ZC3H14: variants seen among roughly 807,000 people sequenced by gnomAD.
ZC3H14 encodes zinc finger CCCH domain-containing protein 14.
Under a neutral mutation model 92.4 loss-of-function variants are expected in ZC3H14, and 31 were observed. The observed-to-expected ratio is 0.34, with a 90% CI of 0.25 to 0.45. The LOEUF is 0.45. ZC3H14 is among the 20% of genes least tolerant of loss of function. The pLI is 1.00. For synonymous variants in ZC3H14, 321 were observed against 300.9 expected (o/e 1.07, Z -0.69); for missense variants, 781 against 897.3 (o/e 0.87, Z 1.66).
chr14:88,567,923 C>G, intron 2 of ZC3H14, 116 bp from the exon 3 acceptor site: 1 of 822,482 alleles, frequency 1.2e-6, no homozygotes, highest in Non-Finnish European at 2.1e-6. Context: ...CAATGTAATT[C>G]CAGTAGAGCT....
intron 2 of ZC3H14, among the ~76,000 whole-genome samples, chr14:88,567,124 A>T (rs868647984): frequency 6.9e-5 from 10 of 145,234 alleles, no homozygotes; most frequent in East Asian, 4.0e-4. Context: ...TTATTTATTT[A>T]TTTTTTTTTG....
chr14:88,573,084 A>G (rs1291302504), intron 6 of ZC3H14, 77 bp downstream of exon 6: 1 of 1,519,812 alleles, frequency 6.6e-7, no homozygotes, highest in Non-Finnish European at 9.0e-7. Context: ...TGAAGTAACT[A>G]AACACATATT....
intron 10 of ZC3H14, among the ~76,000 whole-genome samples, chr14:88,597,624 G>T (rs150157445): frequency 2.5e-4 from 38 of 152,268 alleles, no homozygotes; most frequent in African/African-American, 8.4e-4. Flanking sequence ...CACTGGGTTG[G>T]TGAGCCACTG....
intron 3 of ZC3H14, among the ~76,000 whole-genome samples, chr14:88,568,772 A>G (rs1221683547): frequency 6.6e-6 from 1 of 152,198 alleles, no homozygotes; most frequent in Non-Finnish European, 1.5e-5. Context: ...TAAAATTATT[A>G]TTGAGGATCA....
At chr14:88,597,105 C>T (rs61984720) in intron 10 of ZC3H14, among the ~76,000 whole-genome samples, 10,771 of 152,154 alleles carry the variant, frequency 0.071, 523 homozygotes, top group Non-Finnish European at 0.11. Flanking sequence ...TCTGATTTAC[C>T]CTCCCACTCT....
At position 88,579,399 on chromosome 14, in the gene ZC3H14, A is replaced by T. The variant is rs114690807; in HGVS notation, c.1279+1259A>T. Among the ~76,000 whole-genome samples the T allele has an allele frequency of 5.5e-3, 834 of 152,280 alleles. 8 individuals carry two copies. The highest frequency in any genetic ancestry group is 0.019 in the African/African-American group (806 of 41,552). ...GTGAATGGGCCAAATTGAGAAGAGG[A>T]GCTGAAACTGAGGAGGGATTTTGCT... On this transcript the variant is annotated intron_variant, in intron 9 of 16. Transcript: ENST00000251038.
Position 88,576,382 on chromosome 14 carries a change from G to A in ZC3H14, c.1123+442G>A, listed in dbSNP as rs114863784. Among the ~76,000 whole-genome samples the A allele has an allele frequency of 5.5e-3, 837 of 152,268 alleles. 8 individuals are homozygous for A. Among genetic ancestry groups the A allele is most frequent in the African/African-American group, 0.019 (807 of 41,548 alleles). On this transcript the variant is annotated intron_variant, in intron 8 of 16. Coordinates refer to ENST00000251038, the MANE Select transcript of ZC3H14 (RefSeq NM_024824.5). ...CAAGGTTGGTTTCTTCCCTTTTGGC[G>A]GAACTCATTAGTAGAATATAAGGCA... is the stretch of plus-strand genomic sequence containing the variant.
chr14:88,616,688 G>A lies in ZC3H14; in HGVS notation c.*4937G>A, dbSNP rs1406542946. 2.1e-5 allele frequency: 33 copies of A among 1,575,956 alleles called. No individual in the cohort carries two copies. Among genetic ancestry groups the A allele is most frequent in the Non-Finnish European group, 2.7e-5 (31 of 1,156,300 alleles). On this transcript the variant is annotated 3_prime_UTR_variant, in exon 17 of 17. Transcript: ENST00000251038. The stretch of plus-strand genomic sequence containing the variant: ...TGCTGATGATAAGACATCAAAATTA[G>A]GAGTAAACTGATAATAGTAAACAAA...
chr14:88,583,135 TTA>T, intron 9 of ZC3H14, among the ~76,000 whole-genome samples: 1 of 151,308 alleles, frequency 6.6e-6, no homozygotes, highest in Non-Finnish European at 1.5e-5. Context: ...TGCTTTTTTT[TTA>T]TTTTTTTTTT....
At chr14:88,604,570 C>T (rs758715649) in intron 12 of ZC3H14, among the ~76,000 whole-genome samples, 3 of 151,070 alleles carry the variant, frequency 2.0e-5, no homozygotes, top group Non-Finnish European at 2.9e-5. Context: ...TGTCATATGG[C>T]AGCACAGATT....
At position 88,601,790 on chromosome 14, in the gene ZC3H14, G is replaced by A. The variant is rs1040005294; in HGVS notation, c.1355-134G>A. The A allele has an allele frequency of 3.4e-5, 37 of 1,077,720 alleles. 1 individual carries two copies. Among genetic ancestry groups the A allele is most frequent in the Non-Finnish European group, 4.9e-5 (37 of 748,702 alleles). The allele number at this position is 1,077,720 out of a possible 1,614,324, so 66.8% of individuals were successfully genotyped here. ...AATAGAATTATAGCCCTGTTTTCCTGAGTGGAACCAGTTGTGATTTTCCTT... is the reference window on the plus strand; with the variant it reads ...AATAGAATTATAGCCCTGTTTTCCTAAGTGGAACCAGTTGTGATTTTCCTT... On this transcript the variant is annotated intron_variant, in intron 10 of 16. Transcript: ENST00000251038.
At position 88,571,256 on chromosome 14, in the gene ZC3H14, A is replaced by C. The variant is rs187123774; in HGVS notation, c.235+132A>C. On this transcript the variant is annotated intron_variant, in intron 4 of 16. Transcript: ENST00000251038. ...TCATTTGAACTTTTTTAGAAAGCAC[A>C]TACTTTTATGAACTTAAGAGCAGTA... 6.1e-5 allele frequency: 43 copies of C among 704,220 alleles called. 1 individual carries two copies. The East Asian group carries it at 8.2e-4, about 13-fold the overall frequency. The allele number at this position is 704,220 out of a possible 1,614,324, so 43.6% of individuals were successfully genotyped here. A position where few individuals can be genotyped will look rare whatever the true frequency, so the allele number is the denominator to read the frequency against.
chr14:88,586,506 C>T (rs892477552), intron 9 of ZC3H14: 3 of 152,184 alleles, frequency 2.0e-5, no homozygotes, highest in Non-Finnish European at 4.4e-5. Flanking sequence ...TATTATCCCA[C>T]TGTCTTCTGC....
chr14:88,606,031 G>A (rs1229128083), intron 12 of ZC3H14, among the ~76,000 whole-genome samples: 1 of 152,196 alleles, frequency 6.6e-6, no homozygotes, highest in Non-Finnish European at 1.5e-5. Flanking sequence ...TACAGTTGAA[G>A]TGATACTTGC....
intron 9 of ZC3H14, among the ~76,000 whole-genome samples, chr14:88,583,127 CT>C (rs1290553129): frequency 8.1e-6 from 1 of 123,440 alleles, no homozygotes; most frequent in East Asian, 2.3e-4. Context: ...TTGACTTGTG[CT>C]TTTTTTTTAT....
At chr14:88,588,368 G>A (rs1034306988) in intron 9 of ZC3H14, among the ~76,000 whole-genome samples, 2 of 152,204 alleles carry the variant, frequency 1.3e-5, no homozygotes, top group Non-Finnish European at 2.9e-5. Context: ...TAAATTTTCT[G>A]AGTTCTTGGA....
chr14:88,625,293 AG>A lies in ZC3H14; in HGVS notation c.*13544del, dbSNP rs1374965748. ...TCACGAGTCAGGAAACCTGAACGGG[AG>A]GCTTAGCTTTGTCAGGACCTTTTCC... is the stretch of plus-strand genomic sequence containing the variant. On this transcript the variant is annotated 3_prime_UTR_variant, in exon 17 of 17. Coordinates refer to ENST00000251038, the MANE Select transcript of ZC3H14 (RefSeq NM_024824.5). The A allele has an allele frequency of 8.5e-6, 6 of 706,386 alleles. No individual in the cohort carries two copies. The highest frequency in any genetic ancestry group is 1.3e-5 in the Non-Finnish European group (6 of 450,132). The allele number at this position is 706,386 out of a possible 1,614,324, so 43.8% of individuals were successfully genotyped here. A position where few individuals can be genotyped will look rare whatever the true frequency, so the allele number is the denominator to read the frequency against.
intron 16 of ZC3H14, 70 bp downstream of exon 16, chr14:88,611,010 AT>A (rs2086608910): frequency 1.4e-6 from 2 of 1,459,660 alleles, no homozygotes; most frequent in Admixed American, 1.7e-5. Context: ...TTCTAAATTT[AT>A]AAGCACACAA....
Position 88,617,091 on chromosome 14 carries a change from T to A in ZC3H14, c.*5340T>A, listed in dbSNP as rs115769136. 4 of 428,054 alleles carry A rather than the reference T, an allele frequency of 9.3e-6. No individual in the cohort carries two copies. Among genetic ancestry groups the A allele is most frequent in the Non-Finnish European group, 1.7e-5 (4 of 240,324 alleles). 26.5% of individuals were successfully genotyped at this position (428,054 alleles called of 1,614,324 possible). On this transcript the variant is annotated 3_prime_UTR_variant, in exon 17 of 17. Transcript: ENST00000251038. ...GACATTTTATAATTTGAAGGGTTTC[T>A]AGATTAATCTTTTTAAGATTAAAGT...
Sources: allele counts gnomAD v4.1 joint callset (sites outside exome capture counted in the v4.1 genomes callset), GRCh38; gene constraint gnomAD v4.1.1; transcripts MANE v1.5; gene names NCBI Gene and HGNC (gene_info 2026-07-23, HGNC 2026-07-21).